The following PARP4 variants were observed in gnomAD, a reference collection of about 807,000 sequenced individuals.
PARP4 encodes protein mono-ADP-ribosyltransferase PARP4.
A neutral mutation model predicts 187.7 loss-of-function variants in PARP4; 120 were observed. The observed-to-expected ratio is 0.64, with a 90% CI of 0.55 to 0.74. The LOEUF (loss-of-function observed/expected upper bound fraction) is 0.74. Among genes scored for constraint, PARP4 ranks in the 30% least tolerant of loss-of-function variants. The pLI is 0.00. For synonymous variants in PARP4, 654 were observed against 740.9 expected, an observed-to-expected ratio of 0.88 and a Z score of 1.90; for missense variants, 1,836 against 2,070.5, an observed-to-expected ratio of 0.89 and a Z score of 2.20.
rs1870326764 is a variant in PARP4 at position 24,431,413 on chromosome 13, G to A, written c.4810C>T (p.His1604Tyr). 8 of 1,601,256 alleles carry A rather than the reference G, an allele frequency of 5.0e-6. No homozygotes were observed. Among genetic ancestry groups the A allele is most frequent in the Non-Finnish European group, 6.8e-6 (8 of 1,175,510 alleles). The stretch of plus-strand genomic sequence containing the variant: ...ATGCCTTTTTGTTTAAGAAAGCTGT[G>A]CAAACCATTTGTATTAAGATTTAAT... ...LILNLNTNGL[H>Y]SFLKQKGIQS... Residue 1604 changes from histidine (H) to tyrosine (Y), a missense_variant, in exon 32 of 34, where the codon CAC becomes TAC. This residue lies in a region of PARP4 where 6 missense variants were observed against 22.8 expected (regional missense o/e 0.26). Transcript: ENST00000381989.
At chr13:24,471,316 T>C (rs1194381796) in intron 15 of PARP4, among the ~76,000 whole-genome samples, 2 of 152,192 alleles carry the variant, frequency 1.3e-5, no homozygotes, top group Non-Finnish European at 2.9e-5. Flanking sequence ...CTGTTCTAGT[T>C]AGCAGGCCCG....
chr13:24,508,469 A>G (rs1406827382), intron 1 of PARP4, among the ~76,000 whole-genome samples: 1 of 152,248 alleles, frequency 6.6e-6, no homozygotes, highest in African/African-American at 2.4e-5. Flanking sequence ...GGGCTATGTT[A>G]GCATCTTGTT....
chr13:24,468,458 G>A (rs2137497144), intron 17 of PARP4, among the ~76,000 whole-genome samples: 1 of 142,990 alleles, frequency 7.0e-6, no homozygotes, highest in Non-Finnish European at 1.5e-5. Context: ...AGGCTGGAGT[G>A]CAATGGCACA....
At chr13:24,500,198 T>G (rs1869194988) in intron 4 of PARP4, 118 bp downstream of exon 4, 1 of 496,344 alleles carries the variant, frequency 2.0e-6, no homozygotes, top group Non-Finnish European at 3.6e-6. Context: ...GAGTTAGATA[T>G]GCAAAATAAA....
intron 15 of PARP4, among the ~76,000 whole-genome samples, chr13:24,471,826 A>C (rs772652870): frequency 6.6e-6 from 1 of 152,200 alleles, no homozygotes; most frequent in Non-Finnish European, 1.5e-5. Context: ...TTTGTTTTGC[A>C]CACAAAAACA....
chr13:24,504,029 T>C (rs150759571), intron 1 of PARP4, among the ~76,000 whole-genome samples: 1 of 152,358 alleles, frequency 6.6e-6, no homozygotes, highest in East Asian at 1.9e-4. Flanking sequence ...GCTCATGATA[T>C]ACATCTTAAT....
At chr13:24,435,626 T>C in intron 30 of PARP4, 152 bp from the exon 31 acceptor site, 1 of 826,806 alleles carries the variant, frequency 1.2e-6, no homozygotes, top group South Asian at 1.8e-5. Flanking sequence ...ATGTTGAAAA[T>C]AACACCAGTG....
chr13:24,503,362 C>T (rs1011543700), intron 2 of PARP4, among the ~76,000 whole-genome samples: 5 of 152,144 alleles, frequency 3.3e-5, no homozygotes, highest in Admixed American at 6.5e-5. Context: ...TATGGCTGGT[C>T]TGAAATTCTA....
intron 27 of PARP4, among the ~76,000 whole-genome samples, chr13:24,444,211 A>G (rs1405218750): frequency 6.6e-6 from 1 of 152,070 alleles, no homozygotes; most frequent in Non-Finnish European, 1.5e-5. Flanking sequence ...CTTCATTCCA[A>G]CTCTTGTAAT....
chr13:24,476,714 T>C (rs754086792), intron 14 of PARP4, among the ~76,000 whole-genome samples: 12 of 152,198 alleles, frequency 7.9e-5, no homozygotes, highest in Non-Finnish European at 1.5e-4. Context: ...TTGAGCATGG[T>C]CAAAAATGTT....
chr13:24,443,484 C>T (rs1871051554), intron 28 of PARP4, among the ~76,000 whole-genome samples, 166 bp downstream of exon 28: 1 of 151,558 alleles, frequency 6.6e-6, no homozygotes. Context: ...AAACATTTAC[C>T]ACACACCCCA....
At chr13:24,470,751 T>C (rs1233350061) in intron 15 of PARP4, among the ~76,000 whole-genome samples, 2 of 123,204 alleles carry the variant, frequency 1.6e-5, no homozygotes, top group South Asian at 2.4e-4. Context: ...AAATGAAAAA[T>C]TAAAAAAAAA....
chr13:24,482,113 G>C (rs2098788060), intron 12 of PARP4, among the ~76,000 whole-genome samples: 1 of 152,234 alleles, frequency 6.6e-6, no homozygotes, highest in Non-Finnish European at 1.5e-5. Flanking sequence ...AGTCACTGTA[G>C]ATGTGGCAGA....
At chr13:24,483,160 C>T (rs1272666437) in intron 12 of PARP4, among the ~76,000 whole-genome samples, 2 of 152,170 alleles carry the variant, frequency 1.3e-5, no homozygotes, top group East Asian at 3.9e-4. Context: ...GCTTTGATTA[C>T]AGGTGTGTGA....
intron 15 of PARP4, 141 bp from the exon 16 acceptor site, chr13:24,470,166 C>T: frequency 1.4e-6 from 1 of 723,046 alleles, no homozygotes; most frequent in African/African-American, 1.8e-5. Context: ...CCAACCCTGG[C>T]TTCACTTCTG....
chr13:24,476,288 A>G (rs1185226773), intron 14 of PARP4, among the ~76,000 whole-genome samples: 5 of 151,840 alleles, frequency 3.3e-5, no homozygotes, highest in Non-Finnish European at 7.4e-5. Flanking sequence ...TAATGTAGAG[A>G]CTGTGGGGTG....
chr13:24,444,695 C>T (rs1490723469), intron 27 of PARP4, among the ~76,000 whole-genome samples: 2 of 152,182 alleles, frequency 1.3e-5, no homozygotes, highest in Non-Finnish European at 2.9e-5. Flanking sequence ...TAGGCCACCC[C>T]AAAAGAGACT....
intron 3 of PARP4, among the ~76,000 whole-genome samples, chr13:24,500,911 A>G (rs900631696): frequency 6.6e-6 from 1 of 152,202 alleles, no homozygotes; most frequent in Non-Finnish European, 1.5e-5. Flanking sequence ...TCATCAGTGT[A>G]TTTGTAGTAA....
chr13:24,439,026 GATA>G, intron 30 of PARP4, among the ~76,000 whole-genome samples: 1 of 152,212 alleles, frequency 6.6e-6, no homozygotes, highest in East Asian at 1.9e-4. Context: ...CAAGCTAATG[GATA>G]ATATTTTTCA....
Sources: gnomAD v4.1 joint callset for allele counts (sites outside exome capture counted in the v4.1 genomes callset) on GRCh38, gnomAD v4.1.1 for gene constraint, gnomAD v4.1.1 regional missense constraint, MANE v1.5 for transcripts, NCBI Gene and HGNC (gene_info 2026-07-23, HGNC 2026-07-21) for gene names.